ARAP2: variants seen among roughly 807,000 people sequenced by gnomAD.
ARAP2 encodes arf-GAP with Rho-GAP domain, ANK repeat and PH domain-containing protein 2.
In ARAP2, 148 loss-of-function variants were observed where a neutral mutation model predicts 194.5. The ratio of observed to expected loss-of-function variants is 0.76; its 90% CI spans 0.67 to 0.87. The LOEUF (loss-of-function observed/expected upper bound fraction) is 0.87, where lower values mean the gene tolerates loss of function less well. ARAP2 is among the 40% of genes least tolerant of loss of function. The probability of loss-of-function intolerance (pLI) is 0.00; values close to 1 mark genes in which losing one functional copy is unlikely to be tolerated. For synonymous variants in ARAP2, 695 were observed against 683.5 expected (o/e 1.02, Z -0.26); for missense variants, 2,128 against 1,989.7 (o/e 1.07, Z -1.32).
At chr4:36,071,692 A>AT (rs1726953023) in intron 32 of ARAP2, among the ~76,000 whole-genome samples, 1 of 31,906 alleles carries the variant, frequency 3.1e-5, no homozygotes, top group East Asian at 1.0e-3. Context: ...GTTTTTTTTT[A>AT]ATTTTTTTTC....
At chr4:36,060,336 C>A (rs897698325) in intron 1 of ARAP2, among the ~76,000 whole-genome samples, 19 of 152,128 alleles carry the variant, frequency 1.2e-4, no homozygotes, top group Admixed American at 1.2e-3. Flanking sequence ...CCCCAACAGT[C>A]ATTTTGCTGA....
chr4:36,107,995 T>A (rs1447638200), intron 26 of ARAP2, among the ~76,000 whole-genome samples: 1 of 151,938 alleles, frequency 6.6e-6, no homozygotes, highest in Non-Finnish European at 1.5e-5. Flanking sequence ...AATTCTACCT[T>A]TTGTATAATA....
chr4:36,136,818 T>TGTGTGTGTGC (rs760185590), intron 19 of ARAP2, among the ~76,000 whole-genome samples: 3 of 140,978 alleles, frequency 2.1e-5, no homozygotes, highest in African/African-American at 5.2e-5. Context: ...TGTGTGTGTG[T>TGTGTGTGTGC]GCGTGTCTGT....
At chr4:36,119,836 G>A (rs780985879) in intron 23 of ARAP2, 118 bp from the exon 24 acceptor site, 1 of 656,698 alleles carries the variant, frequency 1.5e-6, no homozygotes, top group Non-Finnish European at 2.5e-6. Flanking sequence ...AATGAGAATG[G>A]CCATCGGAAT....
chr4:36,105,743 G>A (rs944348109), intron 27 of ARAP2, among the ~76,000 whole-genome samples: 2 of 151,846 alleles, frequency 1.3e-5, no homozygotes, highest in African/African-American at 4.8e-5. Flanking sequence ...AGCATTTAAT[G>A]GTGAACTTGT....
At position 36,244,417 on chromosome 4, in the gene ARAP2, C is replaced by T. The variant is rs1754256155; in HGVS notation, c.-398G>A. 6.7e-6 allele frequency: 1 copy of T among 149,932 alleles called. No individual in the cohort carries two copies. Among genetic ancestry groups the T allele is most frequent in the Non-Finnish European group, 1.5e-5 (1 of 67,192 alleles). The allele number at this position is 149,932 out of a possible 1,614,324, so 9.3% of individuals were successfully genotyped here. On this transcript the variant is annotated 5_prime_UTR_variant, in exon 1 of 33. Coordinates refer to ENST00000303965, the MANE Select transcript of ARAP2 (RefSeq NM_015230.4). ...GGCCGCCGCACCTGGAGGCGGGGAG[C>T]GCGGGCCGCGGACCCGCGCTCAGCT... is the stretch of plus-strand genomic sequence containing the variant.
At chr4:36,204,079 T>TGA (rs2109240677) in intron 6 of ARAP2, among the ~76,000 whole-genome samples, 1 of 152,238 alleles carries the variant, frequency 6.6e-6, no homozygotes, top group South Asian at 2.1e-4. Flanking sequence ...AGAAACTTCC[T>TGA]AGTGAGCAGA....
Position 36,210,498 on chromosome 4 carries a change from G to C in ARAP2, c.1379C>G (p.Ala460Gly). 1 of 1,613,956 alleles carries C rather than the reference G, an allele frequency of 6.2e-7. No individual in the cohort carries two copies. Among genetic ancestry groups the C allele is most frequent in the Non-Finnish European group, 8.5e-7 (1 of 1,179,888 alleles). The change falls in exon 6 of 33, where the codon GCT (alanine) becomes GGT (glycine). Residue 460 changes from alanine (A) to glycine (G), a missense_variant. Transcript: ENST00000303965. ...SYPLSSTSGN[A>G]DSSAVSSQAI... ...CTGTGAAGAAACGGCTGATGAATCA[G>C]CATTTCCACTTGTTGAGCTTAACGG...
intron 9 of ARAP2, among the ~76,000 whole-genome samples, chr4:36,171,814 C>CA (rs200210173): frequency 6.7e-5 from 10 of 149,962 alleles, no homozygotes; most frequent in Admixed American, 3.3e-4. Context: ...AACTTAATTA[C>CA]AAAAAAAAAG....
chr4:36,173,960 A>C (rs148253973), intron 9 of ARAP2, among the ~76,000 whole-genome samples: 17 of 152,296 alleles, frequency 1.1e-4, no homozygotes, highest in African/African-American at 3.6e-4. Flanking sequence ...TGCCAATAAT[A>C]ATCATCATCA....
intron 31 of ARAP2, among the ~76,000 whole-genome samples, chr4:36,078,655 G>T (rs1221029015): frequency 6.6e-6 from 1 of 152,130 alleles, no homozygotes; most frequent in Non-Finnish European, 1.5e-5. Context: ...TTGAGACGAG[G>T]ACTAGGATTA....
At position 36,196,316 on chromosome 4, in the gene ARAP2, G is replaced by A. The variant is rs542453249; in HGVS notation, c.1488-2669C>T. On this transcript the variant is annotated intron_variant, in intron 6 of 32. Coordinates refer to ENST00000303965, the MANE Select transcript of ARAP2 (RefSeq NM_015230.4). ...CACAGAAAAAGGAGGAGGGGAAGAG[G>A]GAGGGCCGATAGCTTACTCATGTGT... 2.0e-5 allele frequency among the ~76,000 whole-genome samples: 3 copies of A among 152,170 alleles called. No individual in the cohort carries two copies. The South Asian group carries it at 6.2e-4, about 32-fold the overall frequency.
chr4:36,185,644 C>T lies in ARAP2; in HGVS notation c.1678+1807G>A, dbSNP rs114220255. Among the ~76,000 whole-genome samples the T allele has an allele frequency of 2.0e-3, 300 of 152,150 alleles. 1 individual carries two copies. The highest frequency in any genetic ancestry group is 6.8e-3 in the African/African-American group (282 of 41,494). On this transcript the variant is annotated intron_variant, in intron 8 of 32. Coordinates refer to ENST00000303965, the MANE Select transcript of ARAP2 (RefSeq NM_015230.4). ...ACCCCATAACAGTTAACACTGTAGT[C>T]ATTTCCAACTGGTGGTGAACACTCT...
intron 27 of ARAP2, among the ~76,000 whole-genome samples, chr4:36,103,264 T>C (rs984629250): frequency 9.9e-5 from 15 of 151,752 alleles, no homozygotes; most frequent in African/African-American, 3.4e-4. Context: ...TATATCTTTA[T>C]ATATAAGTAT....
chr4:36,214,126 G>A (rs1047187519), intron 3 of ARAP2, among the ~76,000 whole-genome samples: 1 of 152,112 alleles, frequency 6.6e-6, no homozygotes, highest in Admixed American at 6.5e-5. Flanking sequence ...AGCTCAAACT[G>A]CCAGAAACCA....
chr4:36,012,191 T>C (rs1382385308), intron 9 of ARAP2, among the ~76,000 whole-genome samples: 1 of 152,222 alleles, frequency 6.6e-6, no homozygotes, highest in Admixed American at 6.5e-5. Context: ...TGGTTTTCAT[T>C]TGGAAACTCT....
chr4:36,097,922 C>A (rs1715760550), intron 27 of ARAP2, among the ~76,000 whole-genome samples: 3 of 152,124 alleles, frequency 2.0e-5, no homozygotes, highest in South Asian at 4.2e-4. Context: ...TTATACTGAG[C>A]TATCAACTTG....
At chr4:36,077,996 G>A (rs1577770070) in intron 31 of ARAP2, among the ~76,000 whole-genome samples, 1 of 151,956 alleles carries the variant, frequency 6.6e-6, no homozygotes, top group African/African-American at 2.4e-5. Context: ...CTCAATTAGT[G>A]CCTTCCTTAT....
rs1754170134 is a variant in ARAP2 at position 36,244,172 on chromosome 4, T to G, written c.-160+7A>C. 6.6e-6 allele frequency: 1 copy of G among 151,680 alleles called. No homozygotes were observed. The highest frequency in any genetic ancestry group is 2.4e-5 in the African/African-American group (1 of 41,272). 9.4% of individuals were successfully genotyped at this position (151,680 alleles called of 1,614,324 possible). A position where few individuals can be genotyped will look rare whatever the true frequency, so the allele number is the denominator to read the frequency against. ...GGCCCAGCCTTCCCGAGGCCCCGGG[T>G]ACTCGCCTTGCGCTCGGGTCGCGGA... On this transcript the variant is annotated splice_region_variant and intron_variant, in intron 1 of 32. Coordinates refer to ENST00000303965, the MANE Select transcript of ARAP2 (RefSeq NM_015230.4).
Sources: gnomAD v4.1 joint callset for allele counts (sites outside exome capture counted in the v4.1 genomes callset) on GRCh38, gnomAD v4.1.1 for gene constraint, MANE v1.5 for transcripts, NCBI Gene and HGNC (gene_info 2026-07-23, HGNC 2026-07-21) for gene names.